TUFT1: variants seen among roughly 807,000 people sequenced by gnomAD.
TUFT1 encodes the protein tuftelin 1, also known as tuftelin.
In TUFT1, 43 loss-of-function variants were observed where a neutral mutation model predicts 57.8. The observed-to-expected ratio is 0.74, with a 90% CI of 0.58 to 0.96. The LOEUF (loss-of-function observed/expected upper bound fraction) is 0.96. TUFT1 is among the 40% of genes least tolerant of loss of function. TUFT1 has a pLI of 0.00. For missense variants in TUFT1, 459 were observed against 489.0 expected, an observed-to-expected ratio of 0.94 and a Z score of 0.58; for synonymous variants, 166 against 176.7, an observed-to-expected ratio of 0.94 and a Z score of 0.48.
At chr1:151,569,611 T>A (rs773696105) in intron 6 of TUFT1, 46 bp from the exon 7 acceptor site, 1 of 1,549,054 alleles carries the variant, frequency 6.5e-7, no homozygotes. Context: ...TCTTACTGAG[T>A]CAGAAACTTG....
chr1:151,563,844 C>G, intron 3 of TUFT1, 60 bp from the exon 4 acceptor site: 1 of 1,465,702 alleles, frequency 6.8e-7, no homozygotes, highest in Non-Finnish European at 9.6e-7. Context: ...ATGAAGCTGC[C>G]TATTTTTGTA....
At chr1:151,566,010 C>T (rs1666060528) in intron 5 of TUFT1, 153 bp from the exon 6 acceptor site, 1 of 411,560 alleles carries the variant, frequency 2.4e-6, no homozygotes, top group Non-Finnish European at 4.5e-6. Flanking sequence ...TTTTCTCCCT[C>T]CCTTTCTTTT....
intron 1 of TUFT1, among the ~76,000 whole-genome samples, chr1:151,561,044 A>G (rs980395178): frequency 6.7e-6 from 1 of 149,720 alleles, no homozygotes; most frequent in African/African-American, 2.5e-5. Flanking sequence ...CCCAGGCTGG[A>G]GTGCAGTGGC....
rs201062061 is a variant in TUFT1 at position 151,579,663 on chromosome 1, A to C, written c.939A>C (p.Lys313Asn). The C allele has an allele frequency of 2.5e-5, 40 of 1,613,940 alleles. No homozygotes were observed. The highest frequency in any genetic ancestry group is 1.4e-5 in the Non-Finnish European group (17 of 1,179,994). Residue 313 changes from lysine (K) to asparagine (N), a missense_variant, in exon 11 of 13, where the codon AAA (lysine) becomes AAC (asparagine). Lys to Asn is a moderately conservative substitution (Grantham distance 94). Transcript: ENST00000368849. ...RQMIEQLQNS[K>N]AVIQSKDATI... ...CACCTTTGCAGCTCCAGAATTCAAA[A>C]GCTGTGATCCAGTCAAAGGACGCCA...
At position 151,582,335 on chromosome 1, in the gene TUFT1, G is replaced by C; in HGVS notation, c.*628G>C. The C allele has an allele frequency of 2.5e-6, 1 of 395,212 alleles. No homozygotes were observed. Among genetic ancestry groups the C allele is most frequent in the South Asian group, 1.8e-5 (1 of 54,306 alleles). The allele number at this position is 395,212 out of a possible 1,614,324, so 24.5% of individuals were successfully genotyped here. ...GGGGAGGAGGGAATGTACATTCAGGGAGTAGCCTTTTGCGGAAAAATTCTC... is the reference window on the plus strand; with the variant it reads ...GGGGAGGAGGGAATGTACATTCAGGCAGTAGCCTTTTGCGGAAAAATTCTC... On this transcript the variant is annotated 3_prime_UTR_variant, in exon 13 of 13. Transcript: ENST00000368849.
intron 1 of TUFT1, chr1:151,540,697 C>G: frequency 2.0e-6 from 1 of 489,308 alleles, no homozygotes; most frequent in Non-Finnish European, 3.7e-6. Flanking sequence ...GCCGGCGAGC[C>G]CGTGCTTGGG....
rs191769246 is a variant in TUFT1, at chr1:151,575,816, C to A, written c.818+811C>A. On this transcript the variant is annotated intron_variant, in intron 9 of 12. Coordinates refer to ENST00000368849, the MANE Select transcript of TUFT1 (RefSeq NM_020127.3). Reference sequence around the variant, plus strand: ...TAAGGAATTCCAAGATGAACAGACACAATTCTTGCCCTTCAGGGCCCCTCA... The same window carrying A: ...TAAGGAATTCCAAGATGAACAGACAAAATTCTTGCCCTTCAGGGCCCCTCA... 3.3e-5 allele frequency among the ~76,000 whole-genome samples: 5 copies of A among 152,334 alleles called. No homozygotes were observed. The East Asian group carries it at 7.7e-4, about 23-fold the overall frequency.
intron 1 of TUFT1, among the ~76,000 whole-genome samples, chr1:151,548,451 C>T (rs1171962537): frequency 5.3e-5 from 8 of 152,040 alleles, no homozygotes; most frequent in Admixed American, 2.0e-4. Context: ...TACAGGCGTG[C>T]GCCACCACGC....
chr1:151,542,886 G>A (rs1220319728), intron 1 of TUFT1, among the ~76,000 whole-genome samples: 3 of 152,142 alleles, frequency 2.0e-5, no homozygotes, highest in African/African-American at 7.2e-5. Flanking sequence ...TATGGCTCTG[G>A]ACAACCCCCA....
chr1:151,581,586 G>A, intron 12 of TUFT1, 58 bp from the exon 13 acceptor site: 1 of 1,557,294 alleles, frequency 6.4e-7, no homozygotes, highest in Non-Finnish European at 8.8e-7. Context: ...CTCTGTGAAG[G>A]GTGGGCCACA....
chr1:151,549,642 CTG>C (rs1197231966), intron 1 of TUFT1, among the ~76,000 whole-genome samples: 1 of 152,220 alleles, frequency 6.6e-6, no homozygotes. Context: ...AGACAGAAAA[CTG>C]AGGCCCAGAG....
chr1:151,563,824 C>G (rs1665974563), intron 3 of TUFT1, 80 bp from the exon 4 acceptor site: 1 of 1,227,206 alleles, frequency 8.1e-7, no homozygotes, highest in East Asian at 2.3e-5. Context: ...TACCCTCCCA[C>G]CAGCACTATA....
chr1:151,553,138 C>A (rs898018214), intron 1 of TUFT1, among the ~76,000 whole-genome samples: 1 of 151,940 alleles, frequency 6.6e-6, no homozygotes, highest in Non-Finnish European at 1.5e-5. Context: ...TGTCCCCAGG[C>A]TGGAGTGCAG....
chr1:151,566,509 G>T (rs1009191018), intron 6 of TUFT1, among the ~76,000 whole-genome samples: 1 of 152,134 alleles, frequency 6.6e-6, no homozygotes, highest in Non-Finnish European at 1.5e-5. Context: ...CCTTGCAAGC[G>T]TTAAAGGATA....
chr1:151,568,335 T>G (rs2102545315), intron 6 of TUFT1, among the ~76,000 whole-genome samples: 1 of 152,334 alleles, frequency 6.6e-6, no homozygotes, highest in African/African-American at 2.4e-5. Flanking sequence ...ATGATGAACT[T>G]GTGCTATATC....
intron 1 of TUFT1, among the ~76,000 whole-genome samples, chr1:151,560,658 T>C (rs1665853528): frequency 6.6e-6 from 1 of 152,200 alleles, no homozygotes; most frequent in Non-Finnish European, 1.5e-5. Context: ...CATTCTTGGA[T>C]AGCCCAGCAC....
At chr1:151,552,779 T>C (rs538930090) in intron 1 of TUFT1, among the ~76,000 whole-genome samples, 2 of 149,066 alleles carry the variant, frequency 1.3e-5, no homozygotes, top group East Asian at 4.0e-4. Flanking sequence ...CATAGGAACC[T>C]TCTGAATGAA....
intron 5 of TUFT1, chr1:151,565,936 G>A (rs11204849): frequency 0.18 from 78,396 of 434,868 alleles, 14,999 homozygotes; most frequent in East Asian, 0.85. Context: ...CTCATGGAAC[G>A]CTAGAAATCT....
Position 151,569,767 on chromosome 1 carries a change from T to C in TUFT1, c.591T>C (p.Phe197=). The C allele has an allele frequency of 6.2e-7, 1 of 1,613,656 alleles. No homozygotes were observed. Among genetic ancestry groups the C allele is most frequent in the Non-Finnish European group, 8.5e-7 (1 of 1,179,660 alleles). ...AACACCAGTCAGACTGTGTGGCTTT[T>C]GAGGTGAGATTTGGGATTTGGGGAG... is the stretch of plus-strand genomic sequence containing the variant. The part of the protein sequence containing the change: ...KRQHQSDCVA[F]EVTLSRYQRE... The change falls in exon 7 of 13, where the codon TTT becomes TTC. Residue 197 remains phenylalanine (F), a synonymous_variant. Coordinates refer to ENST00000368849, the MANE Select transcript of TUFT1 (RefSeq NM_020127.3).
Sources: gnomAD v4.1 joint callset for allele counts (sites outside exome capture counted in the v4.1 genomes callset) on GRCh38, gnomAD v4.1.1 for gene constraint, MANE v1.5 for transcripts, NCBI Gene and HGNC (gene_info 2026-07-23, HGNC 2026-07-21) for gene names.